The following CHRNA3 variants were observed in gnomAD, a reference collection of about 807,000 sequenced individuals.
CHRNA3 encodes neuronal acetylcholine receptor subunit alpha-3.
In CHRNA3, 34 loss-of-function variants were observed where a neutral mutation model predicts 41.9. The ratio of observed to expected loss-of-function variants is 0.81; its 90% CI spans 0.62 to 1.08. The LOEUF (loss-of-function observed/expected upper bound fraction) is 1.08, where lower values mean the gene tolerates loss of function less well. CHRNA3 is among the 50% of genes least tolerant of loss of function. CHRNA3 has a pLI of 0.00. For synonymous variants in CHRNA3, 281 were observed against 265.2 expected, an observed-to-expected ratio of 1.06 and a Z score of -0.58; for missense variants, 542 against 638.3, an observed-to-expected ratio of 0.85 and a Z score of 1.63.
intron 4 of CHRNA3, among the ~76,000 whole-genome samples, chr15:78,613,917 G>C (rs200911374): frequency 7.9e-5 from 12 of 151,888 alleles, no homozygotes; most frequent in Non-Finnish European, 1.6e-4. Context: ...CTGCACTCCA[G>C]CCTGGGCGAC....
chr15:78,618,822 G>GATGATGGTCAGATGAT lies in CHRNA3; in HGVS notation c.175_176insATCATCTGACCATCAT (p.Pro59HisfsTer23). ...GGACACCTCGAAATGGATGATGACT[G>GATGATGGTCAGATGAT]GGTCAGACACGTTGGCTACAGGCCG... On this transcript the variant is annotated frameshift_variant, in exon 2 of 6. Coordinates refer to ENST00000326828, the MANE Select transcript of CHRNA3 (RefSeq NM_000743.5). LOFTEE classifies it high-confidence loss of function. 1 of 1,614,016 alleles carries GATGATGGTCAGATGAT rather than the reference G, an allele frequency of 6.2e-7. No individual in the cohort carries two copies.
At chr15:78,618,433 G>C in intron 3 of CHRNA3, 184 bp downstream of exon 3, 4 of 638,954 alleles carry the variant, frequency 6.3e-6, no homozygotes, top group Non-Finnish European at 1.1e-5. Flanking sequence ...GTCCTTCCAG[G>C]GGGACTGTAG....
At chr15:78,606,695 A>G (rs1180193046) in intron 4 of CHRNA3, among the ~76,000 whole-genome samples, 1 of 151,950 alleles carries the variant, frequency 6.6e-6, no homozygotes, top group African/African-American at 2.4e-5. Context: ...GGAGATCGAG[A>G]CCATCCTGGC....
chr15:78,610,773 TAATG>T (rs1449758162), intron 4 of CHRNA3, among the ~76,000 whole-genome samples: 1 of 151,714 alleles, frequency 6.6e-6, no homozygotes, highest in African/African-American at 2.4e-5. Flanking sequence ...TTCAAAAAAT[TAATG>T]AATCCAGGAG....
At position 78,601,581 on chromosome 15, in the gene CHRNA3, A is replaced by G. The variant is rs371099773; in HGVS notation, c.1061T>C (p.Met354Thr). Residue 354 changes from methionine to threonine, a missense_variant, in exon 5 of 6, where the codon ATG (methionine) becomes ACG (threonine). By Grantham distance (81) the Met-to-Thr change is moderately conservative. Coordinates refer to ENST00000326828, the MANE Select transcript of CHRNA3 (RefSeq NM_000743.5). ...GTTGCTTGTTGGCCTGGTCATGAAC[A>G]TGACCCTGGGGAGCAGGTTCAAGAA... ...TVFLNLLPRVMFMTRPTSNEG... is the reference protein window; with the variant it reads ...TVFLNLLPRVTFMTRPTSNEG... The G allele has an allele frequency of 1.1e-5, 18 of 1,614,010 alleles. No homozygotes were observed. Among genetic ancestry groups the G allele is most frequent in the Admixed American group, 3.3e-5 (2 of 59,992 alleles).
intron 4 of CHRNA3, among the ~76,000 whole-genome samples, 173 bp from the exon 5 acceptor site, chr15:78,602,437 C>T (rs935714408): frequency 7.2e-5 from 11 of 152,202 alleles, no homozygotes; most frequent in Middle Eastern, 3.2e-3. Flanking sequence ...AACAGGGATA[C>T]TGAGGCCCAA....
Position 78,595,388 on chromosome 15 carries a change from G to A in CHRNA3, c.*1216C>T, listed in dbSNP as rs1373388891. 1 of 983,504 alleles carries A rather than the reference G, an allele frequency of 1.0e-6. No homozygotes were observed. The highest frequency in any genetic ancestry group is 1.2e-6 in the Non-Finnish European group (1 of 828,282). The allele number at this position is 983,504 out of a possible 1,614,324, so 60.9% of individuals were successfully genotyped here. On this transcript the variant is annotated 3_prime_UTR_variant, in exon 6 of 6. Coordinates refer to ENST00000326828, the MANE Select transcript of CHRNA3 (RefSeq NM_000743.5). The stretch of plus-strand genomic sequence containing the variant: ...AACAGTCTCTGTGAATCATCTGTCA[G>A]TGGTGATGATCACGTTAAGTTTCAG...
chr15:78,620,956 A>G lies in CHRNA3; in HGVS notation c.-162T>C. 1 of 968,686 alleles carries G rather than the reference A, an allele frequency of 1.0e-6. No individual in the cohort carries two copies. Among genetic ancestry groups the G allele is most frequent in the Non-Finnish European group, 1.3e-6 (1 of 766,938 alleles). 60.0% of individuals were successfully genotyped at this position (968,686 alleles called of 1,614,324 possible). A position where few individuals can be genotyped will look rare whatever the true frequency, so the allele number is the denominator to read the frequency against. Reference sequence around the variant, plus strand: ...TCCGCTTCGCCGCCGCTGGGTTTCCAGCGCCCTCGGACCCGCGGGAGGACA... The same window carrying G: ...TCCGCTTCGCCGCCGCTGGGTTTCCGGCGCCCTCGGACCCGCGGGAGGACA... On this transcript the variant is annotated 5_prime_UTR_variant, in exon 1 of 6. Transcript: ENST00000326828.
Position 78,602,180 on chromosome 15 carries a change from G to T in CHRNA3, c.462C>A (p.Ile154=), listed in dbSNP as rs761349369. The part of the protein sequence containing the change: ...TGEVTWIPPA[I]FKSSCKIDVT... ...CGTCGATTTTACAGGAGCTCTTAAAGATGGCCGGAGGTATCCAAGTCACCT... is the reference window on the plus strand; with the variant it reads ...CGTCGATTTTACAGGAGCTCTTAAATATGGCCGGAGGTATCCAAGTCACCT... The change falls in exon 5 of 6, where the codon ATC becomes ATA. Residue 154 remains isoleucine, a synonymous_variant. Transcript: ENST00000326828. The T allele has an allele frequency of 1.2e-6, 2 of 1,614,128 alleles. No homozygotes were observed. The highest frequency in any genetic ancestry group is 1.7e-6 in the Non-Finnish European group (2 of 1,180,016).
chr15:78,607,551 AC>A (rs2053310745), intron 4 of CHRNA3: 1 of 142,176 alleles, frequency 7.0e-6, no homozygotes, highest in Non-Finnish European at 1.5e-5. Flanking sequence ...AAACGGTGAA[AC>A]CCCGTCGCTA....
chr15:78,618,336 T>C, intron 3 of CHRNA3: 1 of 436,936 alleles, frequency 2.3e-6, no homozygotes, highest in Non-Finnish European at 4.2e-6. Flanking sequence ...AATCTCAGGT[T>C]CGTACTCTTC....
chr15:78,620,581 G>C (rs2053534122), intron 1 of CHRNA3, 132 bp downstream of exon 1: 5 of 1,352,476 alleles, frequency 3.7e-6, no homozygotes, highest in African/African-American at 1.5e-5. Flanking sequence ...AGTCTGCGCG[G>C]GTTCCGAGTC....
intron 4 of CHRNA3, among the ~76,000 whole-genome samples, chr15:78,610,302 C>G (rs2053362435): frequency 1.3e-5 from 2 of 152,130 alleles, no homozygotes; most frequent in African/African-American, 4.8e-5. Flanking sequence ...ACACCTATTC[C>G]AAAATTGACC....
chr15:78,593,310 C>A, downstream of CHRNA3: 1 of 1,457,076 alleles, frequency 6.9e-7, no homozygotes, highest in East Asian at 2.4e-5. Flanking sequence ...CTGATGGCAC[C>A]TATAAAATTA....
intron 5 of CHRNA3, among the ~76,000 whole-genome samples, chr15:78,599,737 C>T (rs914840818): frequency 6.7e-5 from 10 of 149,042 alleles, no homozygotes; most frequent in African/African-American, 2.5e-4. Flanking sequence ...CTCAAAAGGC[C>T]AGGTGTGGTG....
At chr15:78,600,975 A>C (rs1055509616) in intron 5 of CHRNA3, among the ~76,000 whole-genome samples, 1 of 152,096 alleles carries the variant, frequency 6.6e-6, no homozygotes, top group African/African-American at 2.4e-5. Flanking sequence ...GTCTATTGGC[A>C]TCAGGTGTTT....
intron 4 of CHRNA3, among the ~76,000 whole-genome samples, chr15:78,612,099 C>T (rs1410842086): frequency 6.6e-6 from 1 of 152,070 alleles, no homozygotes; most frequent in Admixed American, 6.6e-5. Context: ...ATTCCATGCT[C>T]ATGGGTAGGA....
chr15:78,615,739 A>ATTTT (rs532401932), intron 4 of CHRNA3, among the ~76,000 whole-genome samples: 4 of 101,874 alleles, frequency 3.9e-5, no homozygotes, highest in Non-Finnish European at 5.5e-5. Flanking sequence ...AGGCACCTGT[A>ATTTT]TTTTTTTTTT....
downstream of CHRNA3, chr15:78,593,084 C>T (rs779875936): frequency 1.3e-6 from 2 of 1,595,704 alleles, no homozygotes; most frequent in Non-Finnish European, 1.7e-6. Context: ...TTATTTTTTT[C>T]CTAACAGGTT....
Sources: gnomAD v4.1 joint callset for allele counts (sites outside exome capture counted in the v4.1 genomes callset) on GRCh38, gnomAD v4.1.1 for gene constraint, MANE v1.5 for transcripts, NCBI Gene and HGNC (gene_info 2026-07-23, HGNC 2026-07-21) for gene names.